Variants in AIM2 observed in about 807,000 individuals in gnomAD.
AIM2 encodes absent in melanoma 2.
In AIM2, 30 loss-of-function variants were observed where a neutral mutation model predicts 27.7. That is an observed-to-expected ratio of 1.08 (90% confidence interval 0.81 to 1.47). The LOEUF is 1.47. Among genes scored for constraint, AIM2 ranks in the 40% most tolerant of loss-of-function variants. AIM2 has a pLI of 0.00. For synonymous variants in AIM2, 141 were observed against 145.3 expected, an observed-to-expected ratio of 0.97 and a Z score of 0.21; for missense variants, 358 against 411.3, an observed-to-expected ratio of 0.87 and a Z score of 1.12.
chr1:159,059,088 A>G (rs546554230), downstream of AIM2, among the ~76,000 whole-genome samples: 1 of 152,322 alleles, frequency 6.6e-6, no homozygotes, highest in East Asian at 1.9e-4. Flanking sequence ...ATGCCCAATA[A>G]GGAAAAGAGA....
chr1:159,117,224 C>T (rs1054982747), intron 1 of AIM2, among the ~76,000 whole-genome samples: 3 of 151,662 alleles, frequency 2.0e-5, no homozygotes, highest in Non-Finnish European at 4.4e-5. Flanking sequence ...TGTGTGCGCA[C>T]GAGAGAGAAA....
intron 3 of AIM2, among the ~76,000 whole-genome samples, chr1:159,068,035 A>G (rs1345057738): frequency 1.3e-5 from 2 of 152,010 alleles, no homozygotes; most frequent in Non-Finnish European, 2.9e-5. Context: ...GCAGAAAACA[A>G]ACAGAGGCAT....
At chr1:159,085,770 C>T (rs1570955701) in intron 1 of AIM2, among the ~76,000 whole-genome samples, 2 of 152,128 alleles carry the variant, frequency 1.3e-5, no homozygotes. Context: ...GGAAGACTTA[C>T]AAAGAAAGGT....
chr1:159,117,177 A>G (rs1297208808), intron 1 of AIM2, among the ~76,000 whole-genome samples: 3 of 152,198 alleles, frequency 2.0e-5, no homozygotes, highest in Non-Finnish European at 4.4e-5. Context: ...TAGTAGCAGA[A>G]AAAAGTTATT....
chr1:159,093,534 A>G (rs1657096277), intron 1 of AIM2, among the ~76,000 whole-genome samples: 1 of 152,114 alleles, frequency 6.6e-6, no homozygotes, highest in African/African-American at 2.4e-5. Flanking sequence ...TTAAAGCCAA[A>G]AAACGGGGAA....
rs761025420 is a variant in AIM2 at position 159,063,512 on chromosome 1, T to G, written c.979A>C (p.Thr327Pro). Residue 327 changes from threonine to proline, a missense_variant, in exon 5 of 6, where the codon ACA becomes CCA. Thr to Pro is a conservative substitution (Grantham distance 38). Coordinates refer to ENST00000368130, the MANE Select transcript of AIM2 (RefSeq NM_004833.3). ...TTTATGGTGCTATGAACTCCAGATG[T>G]CAGCTGTAGTTTTTCTCCATTTTTT... ...LSKNGEKLQLTSGVHSTIKVI... is the reference protein window; with the variant it reads ...LSKNGEKLQLPSGVHSTIKVI... 3 of 1,613,814 alleles carry G rather than the reference T, an allele frequency of 1.9e-6. No homozygotes were observed. The highest frequency in any genetic ancestry group is 2.5e-6 in the Non-Finnish European group (3 of 1,179,962).
chr1:159,119,832 GTC>G (rs1236190255), intron 1 of AIM2, among the ~76,000 whole-genome samples: 4 of 150,898 alleles, frequency 2.7e-5, no homozygotes, highest in Non-Finnish European at 5.9e-5. Context: ...GCCACTCTCT[GTC>G]TCTGTTTCCC....
intron 1 of AIM2, among the ~76,000 whole-genome samples, chr1:159,127,454 C>T (rs1194423514): frequency 6.6e-6 from 1 of 152,186 alleles, no homozygotes; most frequent in African/African-American, 2.4e-5. Flanking sequence ...AAATCCCAAT[C>T]CCAATGTGAT....
intron 1 of AIM2, among the ~76,000 whole-genome samples, chr1:159,112,682 C>T (rs974208679): frequency 2.0e-5 from 3 of 152,014 alleles, no homozygotes; most frequent in Non-Finnish European, 2.9e-5. Flanking sequence ...TTCCCTAAAC[C>T]GTAGGAATTT....
intron 1 of AIM2, among the ~76,000 whole-genome samples, chr1:159,091,552 C>T (rs554985278): frequency 1.3e-5 from 2 of 152,302 alleles, no homozygotes; most frequent in East Asian, 3.9e-4. Flanking sequence ...TGACAATGAA[C>T]AAAATTATAT....
intron 1 of AIM2, among the ~76,000 whole-genome samples, chr1:159,101,722 C>T (rs553912905): frequency 1.4e-4 from 22 of 152,318 alleles, no homozygotes; most frequent in African/African-American, 5.3e-4. Flanking sequence ...GTCACTCTTG[C>T]TACACTTCAG....
intron 1 of AIM2, among the ~76,000 whole-genome samples, chr1:159,074,970 A>C (rs1343208683): frequency 6.6e-6 from 1 of 152,204 alleles, no homozygotes; most frequent in East Asian, 1.9e-4. Flanking sequence ...CTAAAACCTA[A>C]ATGAAAAAAA....
chr1:159,106,691 A>C (rs1657455804), intron 1 of AIM2, among the ~76,000 whole-genome samples: 2 of 152,228 alleles, frequency 1.3e-5, no homozygotes, highest in Non-Finnish European at 2.9e-5. Flanking sequence ...CAAAATCCCA[A>C]AAGGAACAAC....
chr1:159,122,605 G>A (rs1647566211), intron 1 of AIM2, among the ~76,000 whole-genome samples: 1 of 152,130 alleles, frequency 6.6e-6, no homozygotes. Context: ...GGATCCACTT[G>A]TTCAGAAAAA....
intron 1 of AIM2, among the ~76,000 whole-genome samples, chr1:159,110,935 A>G (rs978947944): frequency 1.3e-5 from 2 of 152,234 alleles, no homozygotes; most frequent in South Asian, 4.1e-4. Flanking sequence ...TTGCAACATC[A>G]CATTCCATTT....
At chr1:159,059,967 G>C (rs948700853), downstream of AIM2, among the ~76,000 whole-genome samples, 1 of 152,104 alleles carries the variant, frequency 6.6e-6, no homozygotes, top group Non-Finnish European at 1.5e-5. Flanking sequence ...GATCTGTAGT[G>C]TGTAGACCAG....
chr1:159,087,608 T>C, intron 1 of AIM2, among the ~76,000 whole-genome samples: 1 of 149,334 alleles, frequency 6.7e-6, no homozygotes. Context: ...AGTCTTGCTC[T>C]GTCACCCGGG....
upstream of AIM2, among the ~76,000 whole-genome samples, chr1:159,078,771 G>A (rs1358153751): frequency 6.6e-6 from 1 of 152,198 alleles, no homozygotes; most frequent in South Asian, 2.1e-4. Context: ...ACGGAGAAAA[G>A]TGGGATCCCC....
chr1:159,141,701 C>T (rs114928583), upstream of AIM2, among the ~76,000 whole-genome samples: 89 of 152,194 alleles, frequency 5.8e-4, no homozygotes, highest in African/African-American at 2.0e-3. Context: ...ACACACACAG[C>T]ATCAGCACCA....
Sources: gnomAD v4.1 joint callset for allele counts (sites outside exome capture counted in the v4.1 genomes callset) on GRCh38, gnomAD v4.1.1 for gene constraint, MANE v1.5 for transcripts, NCBI Gene and HGNC (gene_info 2026-07-23, HGNC 2026-07-21) for gene names.